The following SEZ6L variants were observed in gnomAD, a reference collection of about 807,000 sequenced individuals.
The protein encoded by SEZ6L is seizure related 6 homolog like, also known as seizure 6-like protein.
SEZ6L carries 37 observed loss-of-function variants against 106.2 expected under a neutral mutation model. That is an observed-to-expected ratio of 0.35 (90% CI 0.27 to 0.46). SEZ6L has a LOEUF of 0.46. SEZ6L is among the 20% of genes least tolerant of loss of function. The pLI is 1.00. For missense variants in SEZ6L, 1,172 were observed against 1,332.8 expected (o/e 0.88, Z 1.88); for synonymous variants, 541 against 570.4 (o/e 0.95, Z 0.73).
chr22:26,225,798 T>A (rs561511099), intron 1 of SEZ6L, among the ~76,000 whole-genome samples: 13 of 152,324 alleles, frequency 8.5e-5, no homozygotes, highest in African/African-American at 3.1e-4. Flanking sequence ...AAATAAAGAA[T>A]GGCTTCTAGT....
chr22:26,228,748 C>A (rs1190505371), intron 1 of SEZ6L, among the ~76,000 whole-genome samples: 1 of 152,184 alleles, frequency 6.6e-6, no homozygotes, highest in Non-Finnish European at 1.5e-5. Context: ...GAAGCCATTG[C>A]AATGAGGAAA....
intron 14 of SEZ6L, among the ~76,000 whole-genome samples, chr22:26,373,786 TC>T (rs1252143296): frequency 6.6e-6 from 1 of 152,200 alleles, no homozygotes; most frequent in African/African-American, 2.4e-5. Flanking sequence ...GTAAAACTTT[TC>T]ATGATGCCAT....
At chr22:26,211,050 C>G (rs2078143094) in intron 1 of SEZ6L, among the ~76,000 whole-genome samples, 1 of 152,114 alleles carries the variant, frequency 6.6e-6, no homozygotes, top group Admixed American at 6.5e-5. Flanking sequence ...TTTTTGCCAG[C>G]CTTTGTGGGC....
At chr22:26,214,974 T>C (rs939854449) in intron 1 of SEZ6L, among the ~76,000 whole-genome samples, 47 of 152,282 alleles carry the variant, frequency 3.1e-4, no homozygotes, top group African/African-American at 1.1e-3. Flanking sequence ...TACGTATTCA[T>C]TGGGCAGGCA....
chr22:26,349,815 C>CT (rs999441758), intron 11 of SEZ6L, among the ~76,000 whole-genome samples: 1 of 152,014 alleles, frequency 6.6e-6, no homozygotes, highest in Non-Finnish European at 1.5e-5. Context: ...CCTGCATCTG[C>CT]TTTTTTTTCA....
In SEZ6L at chr22:26,376,119, A is replaced by C. The variant is rs190893399; in HGVS notation, c.2942+430A>C. On this transcript the variant is annotated intron_variant, in intron 15 of 16. Transcript: ENST00000248933. ...AGGAAGATATTAAACCATGCACCAG[A>C]ATAGCCACTCATTCATTCACATTCA... 2.0e-3 allele frequency among the ~76,000 whole-genome samples: 310 copies of C among 152,250 alleles called. 3 individuals carry two copies. Among genetic ancestry groups the C allele is most frequent in the Non-Finnish European group, 6.6e-4 (45 of 68,030 alleles).
chr22:26,236,792 C>A (rs1194995065), intron 1 of SEZ6L, among the ~76,000 whole-genome samples: 1 of 152,166 alleles, frequency 6.6e-6, no homozygotes, highest in African/African-American at 2.4e-5. Context: ...ATCAGTAATA[C>A]CTGCAGGATG....
chr22:26,283,316 G>A (rs1404378334), intron 1 of SEZ6L, among the ~76,000 whole-genome samples: 1 of 152,184 alleles, frequency 6.6e-6, no homozygotes, highest in Non-Finnish European at 1.5e-5. Context: ...GAAGGTAGGG[G>A]AATGGCAATA....
intron 9 of SEZ6L, among the ~76,000 whole-genome samples, chr22:26,328,409 A>G (rs1309454201): frequency 2.0e-5 from 3 of 152,234 alleles, no homozygotes; most frequent in Non-Finnish European, 2.9e-5. Flanking sequence ...AGGTGGGAAC[A>G]CTGAGGCTCA....
In SEZ6L at chr22:26,379,818, A is replaced by G. The variant is rs80197798; in HGVS notation, c.3046-448A>G. ...TAGAGTGTATCAGTGACCTAGAACT[A>G]TAGTAATGCTGAGTAACAAAGATCT... On this transcript the variant is annotated intron_variant, in intron 16 of 16. Transcript: ENST00000248933. Among the ~76,000 whole-genome samples, 1,431 of 152,354 alleles carry G rather than the reference A, an allele frequency of 9.4e-3. 25 individuals carry two copies. Among genetic ancestry groups the G allele is most frequent in the African/African-American group, 0.032 (1,343 of 41,576 alleles).
chr22:26,291,797 C>G (rs2081117539), intron 1 of SEZ6L, among the ~76,000 whole-genome samples: 2 of 152,296 alleles, frequency 1.3e-5, no homozygotes, highest in Non-Finnish European at 2.9e-5. Flanking sequence ...CCTCTCTGCT[C>G]TCTTAGCACA....
chr22:26,251,787 G>C (rs1415881649), intron 1 of SEZ6L, among the ~76,000 whole-genome samples: 3 of 152,190 alleles, frequency 2.0e-5, no homozygotes, highest in African/African-American at 7.2e-5. Flanking sequence ...CCTGAGCCAG[G>C]ATGGACATCT....
intron 1 of SEZ6L, among the ~76,000 whole-genome samples, chr22:26,255,513 C>G (rs1374525259): frequency 6.6e-6 from 1 of 152,182 alleles, no homozygotes; most frequent in Non-Finnish European, 1.5e-5. Flanking sequence ...GGTTTGTGAG[C>G]CTGAATCAAA....
At chr22:26,232,325 GTCTC>G (rs148821211) in intron 1 of SEZ6L, among the ~76,000 whole-genome samples, 5 of 139,516 alleles carry the variant, frequency 3.6e-5, no homozygotes, top group East Asian at 2.1e-4. Context: ...AAGTCATTAA[GTCTC>G]TCTCTCTCTC....
chr22:26,193,219 AAG>A (rs1940355545), intron 1 of SEZ6L, among the ~76,000 whole-genome samples: 1 of 152,252 alleles, frequency 6.6e-6, no homozygotes, highest in Non-Finnish European at 1.5e-5. Flanking sequence ...ATGGGAAAAT[AAG>A]AGAATTCTCC....
intron 1 of SEZ6L, among the ~76,000 whole-genome samples, chr22:26,239,972 T>G (rs1424360106): frequency 6.6e-6 from 1 of 150,444 alleles, no homozygotes; most frequent in African/African-American, 2.5e-5. Flanking sequence ...AGAATTCAAC[T>G]TCCCTCAACA....
intron 9 of SEZ6L, among the ~76,000 whole-genome samples, chr22:26,315,507 G>A (rs1271846705): frequency 6.6e-6 from 1 of 151,956 alleles, no homozygotes; most frequent in East Asian, 1.9e-4. Context: ...CCCAGAGGCT[G>A]TCCCAGAACC....
chr22:26,179,937 G>T (rs1248748361), intron 1 of SEZ6L, among the ~76,000 whole-genome samples: 1 of 152,062 alleles, frequency 6.6e-6, no homozygotes, highest in African/African-American at 2.4e-5. Context: ...ATTAAGATCA[G>T]ATTGAATTAA....
intron 5 of SEZ6L, among the ~76,000 whole-genome samples, chr22:26,300,817 T>A (rs1209692): frequency 0.21 from 31,656 of 152,162 alleles, 3,671 homozygotes; most frequent in Non-Finnish European, 0.26. Context: ...AGGTTGTTTG[T>A]CTTTTTGTTA....
Sources: allele counts gnomAD v4.1 joint callset (sites outside exome capture counted in the v4.1 genomes callset), GRCh38; gene constraint gnomAD v4.1.1; transcripts MANE v1.5; gene names NCBI Gene and HGNC (gene_info 2026-07-23, HGNC 2026-07-21).